The following CDH13 variants were observed in gnomAD, a reference collection of about 807,000 sequenced individuals.
CDH13 encodes cadherin-13.
Under a neutral mutation model 63.8 loss-of-function variants are expected in CDH13, and 24 were observed. The observed-to-expected ratio is 0.38, with a 90% CI of 0.27 to 0.53. The LOEUF (loss-of-function observed/expected upper bound fraction) is 0.53, where lower values mean the gene tolerates loss of function less well. Among genes scored for constraint, CDH13 ranks in the 20% least tolerant of loss-of-function variants. CDH13 has a pLI of 0.85. For missense variants in CDH13, 1,049 were observed against 903.1 expected (o/e 1.16, Z -2.07); for synonymous variants, 503 against 355.3 (o/e 1.42, Z -4.67).
intron 5 of CDH13, among the ~76,000 whole-genome samples, chr16:83,228,159 C>G (rs1036964795): frequency 6.6e-6 from 1 of 152,178 alleles, no homozygotes; most frequent in Non-Finnish European, 1.5e-5. Flanking sequence ...CTTTTCTCAA[C>G]CATGGATGCT....
intron 1 of CDH13, among the ~76,000 whole-genome samples, chr16:82,809,106 A>G (rs2037308830): frequency 6.6e-6 from 1 of 152,038 alleles, no homozygotes; most frequent in Non-Finnish European, 1.5e-5. Flanking sequence ...GTATTTTTCT[A>G]AGATCCTGCC....
At chr16:83,621,981 T>C (rs201223147) in intron 8 of CDH13, among the ~76,000 whole-genome samples, 2 of 152,226 alleles carry the variant, frequency 1.3e-5, no homozygotes, top group African/African-American at 4.8e-5. Context: ...TTAGCAACCT[T>C]GTATCTTTAT....
chr16:82,883,471 A>T (rs1277270030), intron 2 of CDH13, among the ~76,000 whole-genome samples: 3 of 152,162 alleles, frequency 2.0e-5, no homozygotes, highest in Admixed American at 6.5e-5. Flanking sequence ...TCAGGCTGGA[A>T]CACAGGAATC....
chr16:83,266,293 C>G (rs1032280917), intron 5 of CDH13, among the ~76,000 whole-genome samples: 1 of 152,142 alleles, frequency 6.6e-6, no homozygotes, highest in East Asian at 1.9e-4. Flanking sequence ...CTACCCAAGA[C>G]CAAAGGTTTC....
At chr16:82,982,351 T>A (rs567895142) in intron 2 of CDH13, among the ~76,000 whole-genome samples, 125 of 152,346 alleles carry the variant, frequency 8.2e-4, no homozygotes, top group Middle Eastern at 6.8e-3. Flanking sequence ...AGGTTCCTAT[T>A]GTTGTATTAA....
intron 11 of CDH13, 45 bp downstream of exon 11, chr16:83,748,295 A>C: frequency 2.6e-6 from 4 of 1,530,638 alleles, no homozygotes; most frequent in Non-Finnish European, 3.5e-6. Context: ...TTTCTGCTAC[A>C]AATATACTTT....
chr16:82,989,254 T>G (rs562416031), intron 2 of CDH13, among the ~76,000 whole-genome samples: 1 of 152,168 alleles, frequency 6.6e-6, no homozygotes, highest in Non-Finnish European at 1.5e-5. Flanking sequence ...TATATTTATG[T>G]TGACATCACT....
At chr16:83,372,002 T>C (rs560005735) in intron 6 of CDH13, among the ~76,000 whole-genome samples, 1 of 152,208 alleles carries the variant, frequency 6.6e-6, no homozygotes, top group Non-Finnish European at 1.5e-5. Context: ...TGGCCCAATA[T>C]GTAGGTTATT....
At chr16:83,345,848 G>C (rs1473305751) in intron 6 of CDH13, among the ~76,000 whole-genome samples, 1 of 152,170 alleles carries the variant, frequency 6.6e-6, no homozygotes, top group African/African-American at 2.4e-5. Context: ...GATACTCCTA[G>C]ATTATGCCCA....
At chr16:83,357,073 G>T (rs2091070950) in intron 6 of CDH13, among the ~76,000 whole-genome samples, 1 of 152,024 alleles carries the variant, frequency 6.6e-6, no homozygotes, top group African/African-American at 2.4e-5. Flanking sequence ...AAGTGGGTTG[G>T]GGTTCGTGTT....
At chr16:83,731,365 T>C (rs1270605780) in intron 10 of CDH13, among the ~76,000 whole-genome samples, 1 of 152,202 alleles carries the variant, frequency 6.6e-6, no homozygotes, top group Non-Finnish European at 1.5e-5. Context: ...TTCTGACTGG[T>C]GTGAGATGGT....
intron 6 of CDH13, among the ~76,000 whole-genome samples, chr16:83,419,935 A>T (rs1400964781): frequency 1.4e-5 from 2 of 144,692 alleles, no homozygotes; most frequent in African/African-American, 2.6e-5. Flanking sequence ...TTTAAAAAAA[A>T]GTTTTGTATG....
intron 2 of CDH13, among the ~76,000 whole-genome samples, chr16:82,955,925 C>T (rs536040320): frequency 1.3e-5 from 2 of 152,198 alleles, no homozygotes; most frequent in African/African-American, 2.4e-5. Flanking sequence ...TCAAATACTA[C>T]TATGAAATAT....
At chr16:83,019,410 A>T (rs1915127129) in intron 2 of CDH13, among the ~76,000 whole-genome samples, 2 of 151,894 alleles carry the variant, frequency 1.3e-5, no homozygotes, top group African/African-American at 4.8e-5. Context: ...TATAACACGC[A>T]TGGAGCCATC....
At chr16:83,607,167 C>A (rs1411880726) in intron 8 of CDH13, among the ~76,000 whole-genome samples, 1 of 152,174 alleles carries the variant, frequency 6.6e-6, no homozygotes, top group African/African-American at 2.4e-5. Context: ...CCTGTAATCC[C>A]AGCACTCCGG....
At chr16:83,768,135 TTA>T (rs1343511403) in intron 11 of CDH13, among the ~76,000 whole-genome samples, 2 of 152,192 alleles carry the variant, frequency 1.3e-5, no homozygotes, top group African/African-American at 2.4e-5. Flanking sequence ...ACTTACATTT[TTA>T]TATATGTCTT....
At chr16:83,228,856 G>A (rs925389433) in intron 5 of CDH13, among the ~76,000 whole-genome samples, 1 of 152,160 alleles carries the variant, frequency 6.6e-6, no homozygotes, top group African/African-American at 2.4e-5. Flanking sequence ...GATTTTACAG[G>A]GACTGATCCG....
At chr16:83,376,587 G>T (rs1369916686) in intron 6 of CDH13, among the ~76,000 whole-genome samples, 1 of 152,032 alleles carries the variant, frequency 6.6e-6, no homozygotes, top group Non-Finnish European at 1.5e-5. Context: ...TAGGAGAGAG[G>T]AACATCTAAC....
At chr16:83,080,172 C>G (rs1408821104) in intron 3 of CDH13, among the ~76,000 whole-genome samples, 3 of 152,054 alleles carry the variant, frequency 2.0e-5, no homozygotes, top group Admixed American at 6.6e-5. Flanking sequence ...TTCTTTCTCT[C>G]TCGGTTCATC....
Sources: gnomAD v4.1 joint callset for allele counts (sites outside exome capture counted in the v4.1 genomes callset) on GRCh38, gnomAD v4.1.1 for gene constraint, MANE v1.5 for transcripts, NCBI Gene and HGNC (gene_info 2026-07-23, HGNC 2026-07-21) for gene names.